Variants in DUSP16 observed in about 807,000 individuals in gnomAD.
The protein encoded by DUSP16 is dual specificity phosphatase 16.
A neutral mutation model predicts 58.3 loss-of-function variants in DUSP16; 21 were observed. The observed-to-expected ratio is 0.36, with a 90% CI of 0.26 to 0.52. The LOEUF (loss-of-function observed/expected upper bound fraction) is 0.52, where lower values mean the gene tolerates loss of function less well. Ranked by LOEUF, DUSP16 falls within the 20% of genes least tolerant of loss-of-function variation. DUSP16 has a pLI of 0.94. For missense variants in DUSP16, 726 were observed against 819.0 expected (o/e 0.89, Z 1.39); for synonymous variants, 320 against 323.8 (o/e 0.99, Z 0.12).
Position 12,515,434 on chromosome 12 carries a change from TCTC to T in DUSP16, c.367+4425_367+4427del, listed in dbSNP as rs199688070. ...CCTCTACCTCCTGGATTCAAGCAAT[TCTC>T]CTGCCTCAGCTTCCTGAGCAGCTAG... On this transcript the variant is annotated intron_variant, in intron 3 of 6. Transcript: ENST00000298573. Among the ~76,000 whole-genome samples, 809 of 151,866 alleles carry T rather than the reference TCTC, an allele frequency of 5.3e-3. 6 individuals carry two copies. The highest frequency in any genetic ancestry group is 0.018 in the African/African-American group (737 of 41,420).
At chr12:12,496,267 C>T (rs1020527658) in intron 4 of DUSP16, among the ~76,000 whole-genome samples, 1 of 152,198 alleles carries the variant, frequency 6.6e-6, no homozygotes, top group Non-Finnish European at 1.5e-5. Flanking sequence ...ATAATTTTGA[C>T]ACGCTTTTGT....
At chr12:12,553,612 G>A (rs1335452938) in intron 1 of DUSP16, among the ~76,000 whole-genome samples, 1 of 152,164 alleles carries the variant, frequency 6.6e-6, no homozygotes, top group Non-Finnish European at 1.5e-5. Context: ...GCACTAACAT[G>A]GCTTACTGCA....
intron 1 of DUSP16, among the ~76,000 whole-genome samples, chr12:12,526,929 A>G (rs1395318283): frequency 6.6e-6 from 1 of 152,204 alleles, no homozygotes; most frequent in Non-Finnish European, 1.5e-5. Flanking sequence ...ACAGCAGGGG[A>G]TGGGGCTCCA....
At chr12:12,487,530 A>G (rs1430704283) in intron 4 of DUSP16, among the ~76,000 whole-genome samples, 1 of 152,176 alleles carries the variant, frequency 6.6e-6, no homozygotes, top group Non-Finnish European at 1.5e-5. Flanking sequence ...ATGGACACAC[A>G]ACATTTTCTT....
In DUSP16 at chr12:12,476,594, C is replaced by A. The variant is rs544718104; in HGVS notation, c.*239G>T. The A allele has an allele frequency of 7.8e-6, 3 of 386,378 alleles. No individual in the cohort carries two copies. The highest frequency in any genetic ancestry group is 2.1e-5 in the African/African-American group (1 of 47,964). 23.9% of individuals were successfully genotyped at this position (386,378 alleles called of 1,614,324 possible). On this transcript the variant is annotated 3_prime_UTR_variant, in exon 7 of 7. Transcript: ENST00000298573. ...TTCACTGAATAAAATGGTTTTCCTC[C>A]GTCTAGGGGGGATTCTAGCATCTGC...
At chr12:12,533,033 T>C (rs1944414477) in intron 1 of DUSP16, among the ~76,000 whole-genome samples, 1 of 151,878 alleles carries the variant, frequency 6.6e-6, no homozygotes, top group African/African-American at 2.4e-5. Flanking sequence ...GAAATGGATT[T>C]ATAAAGAATT....
chr12:12,501,700 T>A (rs1358355402), intron 3 of DUSP16, among the ~76,000 whole-genome samples: 1 of 152,136 alleles, frequency 6.6e-6, no homozygotes, highest in East Asian at 1.9e-4. Context: ...AACATTAAAT[T>A]TAAAAACAAG....
intron 4 of DUSP16, among the ~76,000 whole-genome samples, chr12:12,493,486 G>A (rs1349336113): frequency 6.6e-6 from 1 of 152,070 alleles, no homozygotes. Context: ...TCCTCTGCTT[G>A]GAACCTTCCA....
intron 5 of DUSP16, among the ~76,000 whole-genome samples, chr12:12,480,625 G>T (rs1424632697): frequency 6.6e-6 from 1 of 152,166 alleles, no homozygotes; most frequent in Non-Finnish European, 1.5e-5. Flanking sequence ...ACTTATGTTA[G>T]TATTTTCCCC....
chr12:12,557,186 T>C (rs1356012789), intron 1 of DUSP16, among the ~76,000 whole-genome samples: 1 of 152,158 alleles, frequency 6.6e-6, no homozygotes, highest in African/African-American at 2.4e-5. Flanking sequence ...CCGGGTGTGG[T>C]GGCTCACACC....
At position 12,476,422 on chromosome 12, in the gene DUSP16, TC is replaced by T. The variant is rs1943436351; in HGVS notation, c.*410del. ...CTACCTACCTGACCCCCAAGCTGGCTCAGTCTCAGCGCTAAGGTGTACTATG... is the reference window on the plus strand; with the variant it reads ...CTACCTACCTGACCCCCAAGCTGGCTAGTCTCAGCGCTAAGGTGTACTATG... On this transcript the variant is annotated 3_prime_UTR_variant, in exon 7 of 7. Transcript: ENST00000298573. 1.3e-5 allele frequency: 2 copies of T among 157,852 alleles called. No homozygotes were observed. The highest frequency in any genetic ancestry group is 4.8e-5 in the African/African-American group (2 of 41,530). 9.8% of individuals were successfully genotyped at this position (157,852 alleles called of 1,614,324 possible). A position where few individuals can be genotyped will look rare whatever the true frequency, so the allele number is the denominator to read the frequency against.
At position 12,500,482 on chromosome 12, in the gene DUSP16, T is replaced by C. The variant is rs1457972822; in HGVS notation, c.531+37A>G. The stretch of plus-strand genomic sequence containing the variant: ...ACTGCTGTTTCTCCAGCTAACAATA[T>C]AAACCCAGCAATGAAGGATATTTTC... On this transcript the variant is annotated intron_variant, in intron 4 of 6. Transcript: ENST00000298573. The C allele has an allele frequency of 8.3e-6, 13 of 1,571,762 alleles. No individual in the cohort carries two copies. The African/African-American group carries it at 1.5e-4, about 18-fold the overall frequency.
intron 4 of DUSP16, among the ~76,000 whole-genome samples, chr12:12,496,522 C>A (rs1010103853): frequency 1.3e-5 from 2 of 152,208 alleles, no homozygotes; most frequent in Non-Finnish European, 2.9e-5. Context: ...AAGGAGCAGG[C>A]AGCAGAGCTC....
intron 1 of DUSP16, among the ~76,000 whole-genome samples, chr12:12,527,250 G>A (rs1944319862): frequency 6.6e-6 from 1 of 151,896 alleles, no homozygotes; most frequent in Admixed American, 6.6e-5. Flanking sequence ...TTTCAATAGA[G>A]CCCTAAACAC....
At position 12,530,155 on chromosome 12, in the gene DUSP16, C is replaced by A. The variant is rs547290255; in HGVS notation, c.-365-8692G>T. ...TAACAGTGTATAAGGGTTTTCCTTT[C>A]TCCACATCCTTACCAACACTGATCT... is the stretch of plus-strand genomic sequence containing the variant. On this transcript the variant is annotated intron_variant, in intron 1 of 6. Coordinates refer to ENST00000298573, the MANE Select transcript of DUSP16 (RefSeq NM_030640.3). Among the ~76,000 whole-genome samples, 7 of 152,250 alleles carry A rather than the reference C, an allele frequency of 4.6e-5. No homozygotes were observed. The South Asian group carries it at 1.4e-3, about 32-fold the overall frequency.
At chr12:12,534,119 C>T (rs1240665286) in intron 1 of DUSP16, among the ~76,000 whole-genome samples, 1 of 152,186 alleles carries the variant, frequency 6.6e-6, no homozygotes, top group Non-Finnish European at 1.5e-5. Context: ...CTTCCAATCC[C>T]ACAGTATGCA....
chr12:12,477,324 G>A lies in DUSP16; in HGVS notation c.1507C>T (p.Leu503=), dbSNP rs1241558081. 2 of 1,614,144 alleles carry A rather than the reference G, an allele frequency of 1.2e-6. No homozygotes were observed. Among genetic ancestry groups the A allele is most frequent in the African/African-American group, 2.7e-5 (2 of 74,944 alleles). ...TCCTCCACGCTCCCACTTCGATGCA[G>A]TGGAGATAAAAGGGACCTCTGGGCG... is the stretch of plus-strand genomic sequence containing the variant. ...GTAQRSLLSP[L]HRSGSVEDNY... is the part of the protein sequence containing the mutation. The change falls in exon 7 of 7, where the codon CTG becomes TTG. Residue 503 remains leucine, a synonymous_variant. Coordinates refer to ENST00000298573, the MANE Select transcript of DUSP16 (RefSeq NM_030640.3). The surrounding 1 kb of genome is among the most constrained non-coding windows in gnomAD (Gnocchi z 4.1).
chr12:12,550,532 ATACTTG>A (rs1186830616), intron 1 of DUSP16, among the ~76,000 whole-genome samples: 8 of 152,220 alleles, frequency 5.3e-5, no homozygotes, highest in Non-Finnish European at 1.2e-4. Flanking sequence ...AAGAAAACAT[ATACTTG>A]TATATTCTTT....
chr12:12,484,202 G>A (rs2136193944), intron 5 of DUSP16, among the ~76,000 whole-genome samples: 1 of 152,150 alleles, frequency 6.6e-6, no homozygotes, highest in African/African-American at 2.4e-5. Context: ...TCAAAAAGTG[G>A]CCTGGAGATT....
Sources: allele counts gnomAD v4.1 joint callset (sites outside exome capture counted in the v4.1 genomes callset), GRCh38; gene constraint gnomAD v4.1.1; non-coding constraint Gnocchi (gnomAD v3.1); transcripts MANE v1.5; gene names NCBI Gene and HGNC (gene_info 2026-07-23, HGNC 2026-07-21).